CNTNAP2: variants seen among roughly 807,000 people sequenced by gnomAD.
The protein encoded by CNTNAP2 is contactin associated protein 2, also known as contactin-associated protein-like 2.
A neutral mutation model predicts 155.2 loss-of-function variants in CNTNAP2; 98 were observed. The ratio of observed to expected loss-of-function variants is 0.63; its 90% CI spans 0.54 to 0.75. The LOEUF is 0.75. Ranked by LOEUF, CNTNAP2 falls within the 30% of genes least tolerant of loss-of-function variation. CNTNAP2 has a pLI of 0.00. For missense variants in CNTNAP2, 1,727 were observed against 1,688.1 expected, an observed-to-expected ratio of 1.02 and a Z score of -0.40; for synonymous variants, 651 against 631.2, an observed-to-expected ratio of 1.03 and a Z score of -0.47.
intron 1 of CNTNAP2, among the ~76,000 whole-genome samples, chr7:146,497,453 C>T (rs1250302654): frequency 6.6e-6 from 1 of 152,152 alleles, no homozygotes; most frequent in South Asian, 2.1e-4. Context: ...CTTCTTCCTT[C>T]CAGTAAACAA....
Position 146,322,587 on chromosome 7 carries a change from G to T in CNTNAP2, c.97+205614G>T, listed in dbSNP as rs146192999. Among the ~76,000 whole-genome samples, 1,020 of 138,694 alleles carry T rather than the reference G, an allele frequency of 7.4e-3. 43 individuals carry two copies. The highest frequency in any genetic ancestry group is 0.062 in the Admixed American group (844 of 13,654). The allele number at this position is 138,694 out of a possible 152,430, so 91.0% of individuals were successfully genotyped here. On this transcript the variant is annotated intron_variant, in intron 1 of 23. Transcript: ENST00000361727. ...CTATTGGATCCTCTTTTATTTTTAG[G>T]GACTTTTTTTCTCCTGTGAATAAGA...
At chr7:148,186,044 C>T (rs1011871112) in intron 18 of CNTNAP2, among the ~76,000 whole-genome samples, 1 of 152,198 alleles carries the variant, frequency 6.6e-6, no homozygotes, top group African/African-American at 2.4e-5. Flanking sequence ...TTTATGATTA[C>T]TCAGACTTTC....
At chr7:147,351,700 A>T (rs1377129982) in intron 9 of CNTNAP2, among the ~76,000 whole-genome samples, 2 of 151,784 alleles carry the variant, frequency 1.3e-5, no homozygotes, top group Admixed American at 6.6e-5. Flanking sequence ...TCAGTTAATC[A>T]ATAATTTGTA....
chr7:148,350,576 C>A (rs892348857), intron 21 of CNTNAP2, among the ~76,000 whole-genome samples: 4 of 152,150 alleles, frequency 2.6e-5, no homozygotes, highest in Admixed American at 2.0e-4. Flanking sequence ...GTGTTTGTAA[C>A]CACAAAGTGC....
At chr7:148,188,731 CA>C (rs754757841) in intron 18 of CNTNAP2, among the ~76,000 whole-genome samples, 7 of 152,138 alleles carry the variant, frequency 4.6e-5, no homozygotes, top group Non-Finnish European at 8.8e-5. Context: ...TTCCTAAAAT[CA>C]ATTTATATTA....
At chr7:146,342,978 G>T (rs560693693) in intron 1 of CNTNAP2, among the ~76,000 whole-genome samples, 98 of 152,172 alleles carry the variant, frequency 6.4e-4, no homozygotes, top group Non-Finnish European at 1.2e-3. Context: ...CTGCACTGGA[G>T]TCATGAGCAA....
At chr7:146,920,496 TAAC>T (rs1563002432) in intron 3 of CNTNAP2, among the ~76,000 whole-genome samples, 1 of 151,732 alleles carries the variant, frequency 6.6e-6, no homozygotes, top group African/African-American at 2.4e-5. Context: ...TGAAAAATAA[TAAC>T]ATCACTTTTT....
At chr7:148,391,551 G>A (rs972268858) in intron 22 of CNTNAP2, among the ~76,000 whole-genome samples, 1 of 142,200 alleles carries the variant, frequency 7.0e-6, no homozygotes, top group African/African-American at 2.9e-5. Context: ...CCATTATATG[G>A]TCCTTAGGAA....
chr7:146,694,010 AT>A (rs1332421918), intron 1 of CNTNAP2, among the ~76,000 whole-genome samples: 1 of 152,186 alleles, frequency 6.6e-6, no homozygotes, highest in Non-Finnish European at 1.5e-5. Flanking sequence ...AAAATTCCAG[AT>A]TAAAAAAAAT....
At chr7:148,185,477 T>C (rs1222173525) in intron 18 of CNTNAP2, among the ~76,000 whole-genome samples, 3 of 152,188 alleles carry the variant, frequency 2.0e-5, no homozygotes, top group Non-Finnish European at 4.4e-5. Context: ...AGAAAGTACA[T>C]CTAAAATTTT....
intron 15 of CNTNAP2, among the ~76,000 whole-genome samples, chr7:148,060,199 A>G (rs1803104807): frequency 1.3e-5 from 2 of 152,192 alleles, no homozygotes; most frequent in Admixed American, 1.3e-4. Context: ...AAAGTCATCT[A>G]AATAAGCTTG....
chr7:146,881,254 A>G (rs1795544915), intron 3 of CNTNAP2, among the ~76,000 whole-genome samples: 1 of 152,170 alleles, frequency 6.6e-6, no homozygotes, highest in Admixed American at 6.6e-5. Context: ...GAATAAACTG[A>G]ATAATCTCAA....
intron 13 of CNTNAP2, among the ~76,000 whole-genome samples, chr7:147,830,731 G>T (rs1282184470): frequency 6.6e-6 from 1 of 152,166 alleles, no homozygotes; most frequent in Non-Finnish European, 1.5e-5. Flanking sequence ...CATCTGCCAG[G>T]TGCCATGCTC....
intron 16 of CNTNAP2, among the ~76,000 whole-genome samples, chr7:148,141,050 A>G (rs1805062564): frequency 6.6e-6 from 1 of 152,232 alleles, no homozygotes; most frequent in Admixed American, 6.5e-5. Context: ...ATCACCTGGC[A>G]TTAACAAAAT....
chr7:147,321,148 T>G (rs1409462143), intron 9 of CNTNAP2, among the ~76,000 whole-genome samples: 1 of 152,222 alleles, frequency 6.6e-6, no homozygotes, highest in East Asian at 1.9e-4. Flanking sequence ...CCCTCTAATC[T>G]GCCTTCAAGA....
intron 9 of CNTNAP2, among the ~76,000 whole-genome samples, chr7:147,379,714 T>C (rs182072113): frequency 9.5e-4 from 144 of 152,240 alleles, no homozygotes; most frequent in Admixed American, 1.8e-3. Context: ...CTCCAGTGTC[T>C]GCTTTACTGT....
chr7:146,989,542 A>C (rs922795996), intron 3 of CNTNAP2, among the ~76,000 whole-genome samples: 40 of 62,240 alleles, frequency 6.4e-4, no homozygotes, highest in Admixed American at 5.7e-3. Context: ...ACAAACAAAC[A>C]AACCCACAAA....
intron 3 of CNTNAP2, among the ~76,000 whole-genome samples, chr7:146,928,576 C>T (rs1016409423): frequency 6.6e-6 from 1 of 152,172 alleles, no homozygotes; most frequent in Non-Finnish European, 1.5e-5. Flanking sequence ...GAGTGCCAGA[C>T]AGTGGGTGCA....
chr7:147,990,372 C>T (rs1405885456), intron 15 of CNTNAP2, among the ~76,000 whole-genome samples: 1 of 152,190 alleles, frequency 6.6e-6, no homozygotes, highest in Non-Finnish European at 1.5e-5. Flanking sequence ...GTCAAGAGCA[C>T]TCTCTCTTAC....
Sources: allele counts gnomAD v4.1 joint callset (sites outside exome capture counted in the v4.1 genomes callset), GRCh38; gene constraint gnomAD v4.1.1; transcripts MANE v1.5; gene names NCBI Gene and HGNC (gene_info 2026-07-23, HGNC 2026-07-21).